Variants in DOCK2 observed in about 807,000 individuals in gnomAD.
The protein encoded by DOCK2 is dedicator of cytokinesis protein 2.
A neutral mutation model predicts 248.9 loss-of-function variants in DOCK2; 87 were observed. The ratio of observed to expected loss-of-function variants is 0.35; its 90% CI spans 0.29 to 0.42. DOCK2 has a LOEUF of 0.42. DOCK2 is among the 10% of genes least tolerant of loss of function. The pLI is 1.00. For missense variants in DOCK2, 1,747 were observed against 2,300.2 expected (o/e 0.76, Z 4.92); for synonymous variants, 805 against 821.6 (o/e 0.98, Z 0.35).
chr5:169,765,783 C>G (rs1266908631), intron 25 of DOCK2, among the ~76,000 whole-genome samples: 1 of 148,130 alleles, frequency 6.8e-6, no homozygotes, highest in Non-Finnish European at 1.5e-5. Context: ...TGTTTATTTT[C>G]AGCTGGTGGG....
At chr5:169,783,217 A>C (rs570901634) in intron 25 of DOCK2, among the ~76,000 whole-genome samples, 36 of 152,344 alleles carry the variant, frequency 2.4e-4, no homozygotes, top group African/African-American at 8.7e-4. Context: ...CAGAAATTGG[A>C]AATATTCAAC....
chr5:169,958,284 G>A (rs1003811344), intron 27 of DOCK2, among the ~76,000 whole-genome samples: 1 of 152,036 alleles, frequency 6.6e-6, no homozygotes, highest in African/African-American at 2.4e-5. Context: ...TTAATAAGAA[G>A]CTTATGAATC....
At chr5:169,957,375 C>G (rs1047282376) in intron 27 of DOCK2, among the ~76,000 whole-genome samples, 5 of 152,240 alleles carry the variant, frequency 3.3e-5, no homozygotes, top group African/African-American at 4.8e-5. Context: ...AGACAAAGTA[C>G]TTAGCACATT....
At chr5:169,967,247 G>A (rs2113757203) in intron 27 of DOCK2, among the ~76,000 whole-genome samples, 1 of 152,360 alleles carries the variant, frequency 6.6e-6, no homozygotes, top group East Asian at 1.9e-4. Flanking sequence ...GCTAGTGGTG[G>A]AGAGAATCCC....
intron 22 of DOCK2, among the ~76,000 whole-genome samples, chr5:169,719,714 T>C (rs1465742479): frequency 6.6e-6 from 1 of 152,218 alleles, no homozygotes; most frequent in Non-Finnish European, 1.5e-5. Context: ...GTTTACATTC[T>C]ACCAGTGGAA....
chr5:169,950,337 T>C (rs986353654), intron 27 of DOCK2, among the ~76,000 whole-genome samples: 3 of 152,230 alleles, frequency 2.0e-5, no homozygotes, highest in African/African-American at 7.2e-5. Flanking sequence ...AGCATTGATA[T>C]ATGCAAAGCG....
intron 8 of DOCK2, among the ~76,000 whole-genome samples, chr5:169,684,627 A>G (rs966758695): frequency 6.6e-6 from 1 of 152,254 alleles, no homozygotes; most frequent in Non-Finnish European, 1.5e-5. Context: ...TCAGACAAGT[A>G]GCATTGGCTA....
chr5:169,647,469 A>G (rs1301491115), intron 1 of DOCK2, among the ~76,000 whole-genome samples: 2 of 152,106 alleles, frequency 1.3e-5, no homozygotes, highest in Non-Finnish European at 2.9e-5. Context: ...TCTTGCCTTT[A>G]TCTTCCCACC....
At chr5:169,703,370 A>G (rs1761086201) in intron 14 of DOCK2, among the ~76,000 whole-genome samples, 1 of 152,190 alleles carries the variant, frequency 6.6e-6, no homozygotes, top group Non-Finnish European at 1.5e-5. Context: ...ATAGTATGAC[A>G]CATTTCCTTT....
At chr5:169,645,470 G>T (rs749243884) in intron 1 of DOCK2, among the ~76,000 whole-genome samples, 2 of 152,174 alleles carry the variant, frequency 1.3e-5, no homozygotes, top group Non-Finnish European at 2.9e-5. Flanking sequence ...TGATGGGGTT[G>T]TTTGTTTCTT....
intron 33 of DOCK2, among the ~76,000 whole-genome samples, chr5:170,024,876 C>T (rs1192057193): frequency 6.6e-6 from 1 of 152,204 alleles, no homozygotes; most frequent in Non-Finnish European, 1.5e-5. Flanking sequence ...TTGTCTCACA[C>T]ACTCCCTGGA....
chr5:169,734,902 C>T (rs189204877), intron 22 of DOCK2, among the ~76,000 whole-genome samples: 109 of 152,314 alleles, frequency 7.2e-4, no homozygotes, highest in African/African-American at 9.6e-4. Flanking sequence ...GGCTTGCAGA[C>T]GCCTTTGGGG....
chr5:170,036,743 A>G (rs1329637015), intron 36 of DOCK2, among the ~76,000 whole-genome samples, 188 bp downstream of exon 36: 1 of 152,210 alleles, frequency 6.6e-6, no homozygotes, highest in African/African-American at 2.4e-5. Flanking sequence ...TCAGCCCCAT[A>G]AAACCACGTG....
intron 31 of DOCK2, 29 bp from the exon 32 acceptor site, chr5:170,008,659 C>T (rs751478458): frequency 6.2e-7 from 1 of 1,614,028 alleles, no homozygotes; most frequent in South Asian, 1.1e-5. Context: ...TGAGATGGTG[C>T]CTGAAGCAGA....
chr5:169,642,280 A>C (rs889794083), intron 1 of DOCK2, among the ~76,000 whole-genome samples: 8 of 152,262 alleles, frequency 5.3e-5, no homozygotes, highest in African/African-American at 1.9e-4. Flanking sequence ...GCCAGGCATT[A>C]TGCTAGTCAC....
chr5:169,830,852 T>A (rs1377590607), intron 26 of DOCK2, among the ~76,000 whole-genome samples: 3 of 152,142 alleles, frequency 2.0e-5, no homozygotes, highest in Non-Finnish European at 2.9e-5. Context: ...CAAGGTTACA[T>A]CTATAGCCCC....
chr5:169,732,389 C>T (rs755655657), intron 22 of DOCK2, among the ~76,000 whole-genome samples: 2 of 152,112 alleles, frequency 1.3e-5, no homozygotes, highest in Admixed American at 6.5e-5. Context: ...TGAATGCATC[C>T]ACGCCCGTTG....
intron 18 of DOCK2, 47 bp from the exon 19 acceptor site, chr5:169,714,313 C>A: frequency 1.9e-6 from 3 of 1,613,166 alleles, no homozygotes; most frequent in Non-Finnish European, 2.5e-6. Context: ...CTGATATGGA[C>A]AGTTAGGCCA....
intron 40 of DOCK2, among the ~76,000 whole-genome samples, chr5:170,048,112 C>T (rs1756779873): frequency 6.6e-6 from 1 of 152,250 alleles, no homozygotes; most frequent in African/African-American, 2.4e-5. Context: ...CAATAATGGT[C>T]CAGGCATGGT....
Sources: gnomAD v4.1 joint callset for allele counts (sites outside exome capture counted in the v4.1 genomes callset) on GRCh38, gnomAD v4.1.1 for gene constraint, MANE v1.5 for transcripts, NCBI Gene and HGNC (gene_info 2026-07-23, HGNC 2026-07-21) for gene names.